The following NOL7 variants were observed in gnomAD, a reference collection of about 807,000 sequenced individuals.
NOL7 encodes nucleolar protein 7, also known as U3 small nucleolar RNA-associated protein NOL7.
A neutral mutation model predicts 38.4 loss-of-function variants in NOL7; 36 were observed. The observed-to-expected ratio is 0.94, with a 90% CI of 0.72 to 1.24. The LOEUF (loss-of-function observed/expected upper bound fraction) is 1.24. NOL7 is among the 50% of genes most tolerant of loss of function. NOL7 has a pLI of 0.00. For synonymous variants in NOL7, 142 were observed against 126.5 expected, an observed-to-expected ratio of 1.12 and a Z score of -0.82; for missense variants, 350 against 315.1, an observed-to-expected ratio of 1.11 and a Z score of -0.84.
chr6:13,624,986 A>C (rs1348651045), downstream of NOL7, among the ~76,000 whole-genome samples: 1 of 152,130 alleles, frequency 6.6e-6, no homozygotes, highest in African/African-American at 2.4e-5. Context: ...GCTCAAGCAA[A>C]ATGGTTGGGA....
At chr6:13,631,323 A>C (rs17619307) in intron 8 of NOL7, among the ~76,000 whole-genome samples, 7,088 of 152,282 alleles carry the variant, frequency 0.047, 210 homozygotes, top group Middle Eastern at 0.082. Flanking sequence ...GAGGTGCTCT[A>C]TAACACATCC....
rs770128633 is a variant in NOL7 at position 13,615,713 on chromosome 6, G to A, written c.268G>A (p.Asp90Asn). Residue 90 changes from aspartate to asparagine, a missense_variant and splice_region_variant, in exon 2 of 8, where the codon GAT (aspartate) becomes AAT (asparagine). Physicochemically the swap from Asp to Asn is conservative, Grantham distance 23. Coordinates refer to ENST00000451315, the MANE Select transcript of NOL7 (RefSeq NM_016167.5). ...CTGACTTATCACCCTTCCTCCCAGGGATAAAACGCTCCTGAAGGAGAAGAG... is the reference window on the plus strand; with the variant it reads ...CTGACTTATCACCCTTCCTCCCAGGAATAAAACGCTCCTGAAGGAGAAGAG... ...ERRVRETVRRDKTLLKEKRKR... is the reference protein window; with the variant it reads ...ERRVRETVRRNKTLLKEKRKR... The A allele has an allele frequency of 2.9e-5, 47 of 1,614,128 alleles. No homozygotes were observed. Among genetic ancestry groups the A allele is most frequent in the Non-Finnish European group, 3.6e-5 (42 of 1,180,044 alleles).
exon 9 of NOL7, chr6:13,632,468 T>G (rs763241535): frequency 1.2e-6 from 2 of 1,614,020 alleles, no homozygotes; most frequent in Admixed American, 1.7e-5. Context: ...ATTCTTTCTA[T>G]GGCGGCCTGA....
At chr6:13,616,579 A>T (rs1484154833) in intron 3 of NOL7, 58 bp downstream of exon 3, 1 of 1,127,304 alleles carries the variant, frequency 8.9e-7, no homozygotes, top group African/African-American at 1.6e-5. Flanking sequence ...TGAATTATAT[A>T]CTGGTACATT....
chr6:13,622,636 A>G (rs776081800), downstream of NOL7: 34 of 867,598 alleles, frequency 3.9e-5, no homozygotes, highest in Non-Finnish European at 5.5e-5. Context: ...TTTCTAAGCA[A>G]AAGACAGATG....
At position 13,615,632 on chromosome 6, in the gene NOL7, G is replaced by A; in HGVS notation, c.266+8G>A. On this transcript the variant is annotated splice_region_variant and intron_variant, in intron 1 of 7. Coordinates refer to ENST00000451315, the MANE Select transcript of NOL7 (RefSeq NM_016167.5). ...GCGGGAGACCGTGCGCAGGTTCGGA[G>A]CCCGCTGCCCGGCGGGGAGAACCGC... 1 of 1,606,290 alleles carries A rather than the reference G, an allele frequency of 6.2e-7. No individual in the cohort carries two copies. Among genetic ancestry groups the A allele is most frequent in the Non-Finnish European group, 8.5e-7 (1 of 1,175,736 alleles).
intron 8 of NOL7, among the ~76,000 whole-genome samples, chr6:13,630,295 G>T (rs937629628): frequency 2.0e-5 from 3 of 152,114 alleles, no homozygotes; most frequent in African/African-American, 7.2e-5. Context: ...AAATAAAGAT[G>T]ATACATCTTC....
chr6:13,620,575 C>G, intron 7 of NOL7, 90 bp downstream of exon 7: 3 of 1,319,780 alleles, frequency 2.3e-6, no homozygotes, highest in Non-Finnish European at 3.2e-6. Flanking sequence ...TATACTTTTC[C>G]CCCTTATAAT....
chr6:13,622,335 A>G (rs115719968), downstream of NOL7: 49,797 of 1,514,200 alleles, frequency 0.033, 997 homozygotes, highest in Admixed American at 0.051. Flanking sequence ...ATGCCACAAT[A>G]TAAGTGTGAG....
downstream of NOL7, among the ~76,000 whole-genome samples, chr6:13,626,660 C>A (rs116903134): frequency 6.6e-6 from 1 of 152,148 alleles, no homozygotes; most frequent in Admixed American, 6.5e-5. Context: ...AACACTCTTA[C>A]CAATTTGGAA....
chr6:13,629,502 G>A (rs559845621), intron 8 of NOL7, among the ~76,000 whole-genome samples: 12 of 152,184 alleles, frequency 7.9e-5, no homozygotes, highest in Non-Finnish European at 1.2e-4. Context: ...TGAGGGAAAT[G>A]TGACATCATT....
At chr6:13,617,823 T>A (rs779686051) in intron 4 of NOL7, 22 bp downstream of exon 4, 1 of 1,605,400 alleles carries the variant, frequency 6.2e-7, no homozygotes, top group African/African-American at 1.3e-5. Context: ...CTAATTTAAC[T>A]AACTTCTCAT....
chr6:13,615,933 C>G (rs536580842), intron 2 of NOL7, among the ~76,000 whole-genome samples, 161 bp downstream of exon 2: 1 of 152,192 alleles, frequency 6.6e-6, no homozygotes, highest in Admixed American at 6.5e-5. Context: ...CGCGGCAGTA[C>G]TTTAGTTGGA....
Position 13,616,441 on chromosome 6 carries a change from T to G in NOL7, c.328-22T>G, listed in dbSNP as rs758172454. The G allele has an allele frequency of 3.8e-6, 6 of 1,575,344 alleles. No individual in the cohort carries two copies. The South Asian group carries it at 6.8e-5, about 18-fold the overall frequency. ...CTATGTACATGACTTTCTATTAATTTTAAACGTTTTCATTCCAAAAGAAAA... is the reference window on the plus strand; with the variant it reads ...CTATGTACATGACTTTCTATTAATTGTAAACGTTTTCATTCCAAAAGAAAA... On this transcript the variant is annotated intron_variant, in intron 2 of 7. Coordinates refer to ENST00000451315, the MANE Select transcript of NOL7 (RefSeq NM_016167.5).
chr6:13,625,798 A>G (rs1249452518), downstream of NOL7: 1 of 1,425,904 alleles, frequency 7.0e-7, no homozygotes, highest in Non-Finnish European at 9.9e-7. Context: ...TTTTAATTCA[A>G]ATAGTTCAAC....
At chr6:13,628,083 C>T (rs1166898121) in intron 8 of NOL7, among the ~76,000 whole-genome samples, 1 of 152,166 alleles carries the variant, frequency 6.6e-6, no homozygotes, top group Non-Finnish European at 1.5e-5. Context: ...GTTTTAGGCA[C>T]TAATATGGAT....
intron 5 of NOL7, among the ~76,000 whole-genome samples, chr6:13,619,188 A>G (rs1764371059): frequency 6.6e-6 from 1 of 152,238 alleles, no homozygotes; most frequent in Non-Finnish European, 1.5e-5. Flanking sequence ...ATTCCAATGG[A>G]AAGGTTGTTC....
intron 8 of NOL7, among the ~76,000 whole-genome samples, chr6:13,626,843 T>C (rs1268013177): frequency 6.6e-6 from 1 of 152,164 alleles, no homozygotes; most frequent in Non-Finnish European, 1.5e-5. Flanking sequence ...CTTACTAGTG[T>C]TATGAAAGCA....
At chr6:13,619,249 A>G (rs1313897511) in intron 5 of NOL7, among the ~76,000 whole-genome samples, 1 of 152,206 alleles carries the variant, frequency 6.6e-6, no homozygotes, top group Non-Finnish European at 1.5e-5. Context: ...TTTTTCACAA[A>G]ATTCAACCTT....
Sources: gnomAD v4.1 joint callset for allele counts (sites outside exome capture counted in the v4.1 genomes callset) on GRCh38, gnomAD v4.1.1 for gene constraint, MANE v1.5 for transcripts, NCBI Gene and HGNC (gene_info 2026-07-23, HGNC 2026-07-21) for gene names.